NPFFR2: variants seen among roughly 807,000 people sequenced by gnomAD.
NPFFR2 encodes neuropeptide FF receptor 2, also known as G-protein coupled receptor 74.
Under a neutral mutation model 13.1 loss-of-function variants are expected in NPFFR2, and 15 were observed. The observed-to-expected ratio is 1.15, with a 90% CI of 0.77 to 1.76. The LOEUF (loss-of-function observed/expected upper bound fraction) is 1.76, where lower values mean the gene tolerates loss of function less well. NPFFR2 is among the 40% of genes most tolerant of loss of function. The pLI is 0.00. For missense variants in NPFFR2, 572 were observed against 503.5 expected (o/e 1.14, Z -1.30); for synonymous variants, 190 against 175.7 (o/e 1.08, Z -0.65).
At chr4:72,109,915 T>C (rs1458757299) in intron 1 of NPFFR2, among the ~76,000 whole-genome samples, 1 of 151,982 alleles carries the variant, frequency 6.6e-6, no homozygotes, top group Non-Finnish European at 1.5e-5. Context: ...CTCTCATCAG[T>C]GAACCAGACA....
intron 1 of NPFFR2, among the ~76,000 whole-genome samples, chr4:72,101,386 A>T (rs1205732362): frequency 6.6e-6 from 1 of 151,868 alleles, no homozygotes; most frequent in African/African-American, 2.4e-5. Flanking sequence ...GGGGTGAGAC[A>T]ATTATTTATA....
chr4:72,135,082 A>T (rs1186488018), intron 2 of NPFFR2, among the ~76,000 whole-genome samples: 1 of 152,088 alleles, frequency 6.6e-6, no homozygotes, highest in Non-Finnish European at 1.5e-5. Context: ...CAAAGGAATT[A>T]CTCTATTGCT....
chr4:72,148,294 G>C lies in NPFFR2; in HGVS notation c.*482G>C, dbSNP rs192044617. Among the ~76,000 whole-genome samples, 1 of 152,200 alleles carries C rather than the reference G, an allele frequency of 6.6e-6. No homozygotes were observed. Among genetic ancestry groups the C allele is most frequent in the African/African-American group, 2.4e-5 (1 of 41,526 alleles). On this transcript the variant is annotated 3_prime_UTR_variant, in exon 4 of 4. Transcript: ENST00000308744. ...ACTTGGTTTTCTAAGAAATACATTC[G>C]ATCACATGAAATTCTCTGCTGTTGT...
chr4:72,147,791 T>A lies in NPFFR2; in HGVS notation c.1242T>A (p.Thr414=). 1 of 1,577,716 alleles carries A rather than the reference T, an allele frequency of 6.3e-7. No individual in the cohort carries two copies. Among genetic ancestry groups the A allele is most frequent in the Non-Finnish European group, 8.6e-7 (1 of 1,169,068 alleles). ...TAGTGATGGAAGAATTAAAAGAAAC[T>A]ACTAACAGCAGTGAGATTTAAAAAG... ...QELVMEELKE[T]TNSSEI Residue 414 remains threonine, a synonymous_variant, in exon 4 of 4, where the codon ACT becomes ACA. Transcript: ENST00000308744.
In NPFFR2 at chr4:72,137,252, AT is replaced by A. The variant is rs528925782; in HGVS notation, c.329-787del. ...AATAAATTGCAGAAAAATTAAAAAA[AT>A]AAATTTCAAAACTCTGAGAAATGCA... is the stretch of plus-strand genomic sequence containing the variant. On this transcript the variant is annotated intron_variant, in intron 2 of 3. Coordinates refer to ENST00000308744, the MANE Select transcript of NPFFR2 (RefSeq NM_004885.3). Among the ~76,000 whole-genome samples, 733 of 152,330 alleles carry A rather than the reference AT, an allele frequency of 4.8e-3. 1 individual carries two copies. The highest frequency in any genetic ancestry group is 0.014 in the Middle Eastern group (4 of 294).
At chr4:72,096,722 G>C (rs544726013) in intron 1 of NPFFR2, among the ~76,000 whole-genome samples, 3 of 151,944 alleles carry the variant, frequency 2.0e-5, no homozygotes, top group Non-Finnish European at 4.4e-5. Flanking sequence ...AGATATTTCT[G>C]TTCACTCAGT....
chr4:72,059,136 CAT>C (rs892848014), intron 1 of NPFFR2, among the ~76,000 whole-genome samples: 2 of 151,998 alleles, frequency 1.3e-5, no homozygotes, highest in Non-Finnish European at 2.9e-5. Flanking sequence ...CTCTAGTACT[CAT>C]GTGTCTTATC....
intron 1 of NPFFR2, among the ~76,000 whole-genome samples, chr4:72,087,390 A>T (rs1720800077): frequency 6.6e-6 from 1 of 152,106 alleles, no homozygotes; most frequent in African/African-American, 2.4e-5. Context: ...TTTCCTTTGG[A>T]AAGGCAGATA....
At chr4:72,144,149 T>G (rs534903893) in intron 3 of NPFFR2, among the ~76,000 whole-genome samples, 1 of 152,152 alleles carries the variant, frequency 6.6e-6, no homozygotes, top group East Asian at 1.9e-4. Context: ...GGGCTGAACC[T>G]TCTTTCACTC....
intron 1 of NPFFR2, among the ~76,000 whole-genome samples, chr4:72,101,432 A>G (rs1721246944): frequency 6.6e-6 from 1 of 151,682 alleles, no homozygotes; most frequent in African/African-American, 2.4e-5. Flanking sequence ...TTCAAATTAG[A>G]AGAATTGGAC....
At chr4:72,051,414 G>A (rs1452450161) in intron 1 of NPFFR2, among the ~76,000 whole-genome samples, 3 of 151,820 alleles carry the variant, frequency 2.0e-5, no homozygotes, top group Non-Finnish European at 2.9e-5. Context: ...TAACGAAATG[G>A]AGGCAGAAAT....
chr4:72,038,764 C>G (rs1719110309), intron 1 of NPFFR2, among the ~76,000 whole-genome samples: 1 of 151,982 alleles, frequency 6.6e-6, no homozygotes, highest in Non-Finnish European at 1.5e-5. Flanking sequence ...AGCCATTCCA[C>G]TGTTTTCACT....
intron 1 of NPFFR2, among the ~76,000 whole-genome samples, chr4:72,042,534 T>C (rs538222562): frequency 1.3e-5 from 2 of 152,282 alleles, no homozygotes; most frequent in East Asian, 3.9e-4. Flanking sequence ...TCCTAGAGAC[T>C]TGTTGAATGG....
At chr4:72,143,233 A>C (rs965510528) in intron 3 of NPFFR2, among the ~76,000 whole-genome samples, 1 of 152,178 alleles carries the variant, frequency 6.6e-6, no homozygotes, top group Non-Finnish European at 1.5e-5. Context: ...TATTACGAGA[A>C]ATTGACTCAT....
At chr4:72,075,426 A>G (rs1364084221) in intron 1 of NPFFR2, among the ~76,000 whole-genome samples, 1 of 152,148 alleles carries the variant, frequency 6.6e-6, no homozygotes, top group Non-Finnish European at 1.5e-5. Context: ...ACCAAAATAC[A>G]TGAGGTAAGA....
At chr4:72,142,194 G>C (rs1031328409) in intron 3 of NPFFR2, among the ~76,000 whole-genome samples, 5 of 152,028 alleles carry the variant, frequency 3.3e-5, no homozygotes, top group African/African-American at 1.2e-4. Context: ...GCACAGTGAT[G>C]GGTCTTGACT....
At chr4:72,038,637 ACATT>A (rs1400234847) in intron 1 of NPFFR2, among the ~76,000 whole-genome samples, 2 of 152,088 alleles carry the variant, frequency 1.3e-5, no homozygotes, top group African/African-American at 4.8e-5. Flanking sequence ...ATTTTAATAT[ACATT>A]CAGGTTGCAT....
chr4:72,083,104 G>A (rs4380492), intron 1 of NPFFR2, among the ~76,000 whole-genome samples: 145,818 of 152,272 alleles, frequency 0.96, 70,148 homozygotes, highest in East Asian at 1. Flanking sequence ...AGTGACATAT[G>A]TATCACACTT....
chr4:72,096,367 T>A (rs866678780), intron 1 of NPFFR2, among the ~76,000 whole-genome samples: 7 of 152,324 alleles, frequency 4.6e-5, no homozygotes, highest in Middle Eastern at 6.8e-3. Flanking sequence ...ATCAACACTG[T>A]ATTTATAACA....
Sources: allele counts gnomAD v4.1 joint callset (sites outside exome capture counted in the v4.1 genomes callset), GRCh38; gene constraint gnomAD v4.1.1; transcripts MANE v1.5; gene names NCBI Gene and HGNC (gene_info 2026-07-23, HGNC 2026-07-21).